The following SKAP1 variants were observed in gnomAD, a reference collection of about 807,000 sequenced individuals.
SKAP1 encodes the protein src kinase associated phosphoprotein 1.
A neutral mutation model predicts 58.5 loss-of-function variants in SKAP1; 44 were observed. That is an observed-to-expected ratio of 0.75 (90% CI 0.59 to 0.97). The LOEUF (loss-of-function observed/expected upper bound fraction) is 0.97. Among genes scored for constraint, SKAP1 ranks in the 50% least tolerant of loss-of-function variants. The pLI, the probability that SKAP1 is intolerant of heterozygous loss-of-function variation, is 0.00. For synonymous variants in SKAP1, 127 were observed against 149.7 expected, an observed-to-expected ratio of 0.85 and a Z score of 1.11; for missense variants, 390 against 435.2, an observed-to-expected ratio of 0.90 and a Z score of 0.92.
At chr17:48,161,930 T>C (rs1315565124) in intron 11 of SKAP1, among the ~76,000 whole-genome samples, 1 of 152,124 alleles carries the variant, frequency 6.6e-6, no homozygotes, top group East Asian at 1.9e-4. Flanking sequence ...ATAATACCAA[T>C]TTTATTGCAT....
intron 3 of SKAP1, among the ~76,000 whole-genome samples, chr17:48,363,579 C>T (rs2066963085): frequency 6.6e-6 from 1 of 152,286 alleles, no homozygotes; most frequent in Non-Finnish European, 1.5e-5. Context: ...TAGCAACAGT[C>T]CACTCAGAAG....
At chr17:48,317,075 T>C (rs2066298547) in intron 4 of SKAP1, among the ~76,000 whole-genome samples, 2 of 152,160 alleles carry the variant, frequency 1.3e-5, no homozygotes, top group Non-Finnish European at 1.5e-5. Flanking sequence ...CAGATGCTCA[T>C]GCAGGAGCGA....
chr17:48,350,774 C>T (rs1483804494), intron 3 of SKAP1, among the ~76,000 whole-genome samples: 4 of 152,064 alleles, frequency 2.6e-5, no homozygotes, highest in African/African-American at 9.7e-5. Context: ...CACCAAGTAT[C>T]TCTGGATTAT....
intron 4 of SKAP1, among the ~76,000 whole-genome samples, chr17:48,275,773 TATC>T: frequency 1.3e-5 from 2 of 152,306 alleles, no homozygotes; most frequent in Middle Eastern, 3.4e-3. Flanking sequence ...CTGCTATGAG[TATC>T]ATCACCAGAT....
the SKAP1 span, among the ~76,000 whole-genome samples, chr17:48,444,816 A>T: frequency 1.3e-5 from 2 of 152,156 alleles, no homozygotes; most frequent in South Asian, 4.1e-4. Context: ...TGAAGGTTGG[A>T]GGGAAAGGTG....
At chr17:48,162,591 C>A (rs2143288840) in intron 10 of SKAP1, 22 bp from the exon 11 acceptor site, 1 of 1,584,892 alleles carries the variant, frequency 6.3e-7, no homozygotes, top group South Asian at 1.1e-5. Context: ...GAGGAGAAAT[C>A]AAAGTTAAAA....
At chr17:48,211,165 G>T (rs559003528) in intron 4 of SKAP1, among the ~76,000 whole-genome samples, 2 of 152,274 alleles carry the variant, frequency 1.3e-5, no homozygotes, top group South Asian at 4.1e-4. Flanking sequence ...ATCTGGGCTG[G>T]GTGCAGTGGC....
intron 4 of SKAP1, among the ~76,000 whole-genome samples, chr17:48,216,915 T>G (rs989651121): frequency 2.0e-5 from 3 of 152,218 alleles, no homozygotes; most frequent in Admixed American, 2.0e-4. Context: ...CTAAGAAATT[T>G]AAATGTTGAA....
Position 48,209,389 on chromosome 17 carries a change from A to G in SKAP1, c.281-19889T>C, listed in dbSNP as rs114151492. ...GAAGGATAGGATAAAAGTAATAAGA[A>G]ACAAAATAGTTGAGAAGAAAAGCCA... On this transcript the variant is annotated intron_variant, in intron 4 of 12. Coordinates refer to ENST00000336915, the MANE Select transcript of SKAP1 (RefSeq NM_003726.4). Among the ~76,000 whole-genome samples, 496 of 152,318 alleles carry G rather than the reference A, an allele frequency of 3.3e-3. 3 individuals are homozygous for G. Among genetic ancestry groups the G allele is most frequent in the African/African-American group, 0.011 (467 of 41,562 alleles).
chr17:48,216,325 T>C (rs146167640), intron 4 of SKAP1, among the ~76,000 whole-genome samples: 1 of 152,276 alleles, frequency 6.6e-6, no homozygotes, highest in East Asian at 1.9e-4. Context: ...ATAGAGAGCT[T>C]ACAACTGAGA....
At chr17:48,254,819 A>G (rs2065405011) in intron 4 of SKAP1, among the ~76,000 whole-genome samples, 1 of 151,970 alleles carries the variant, frequency 6.6e-6, no homozygotes, top group Admixed American at 6.6e-5. Context: ...AATTCCAAGC[A>G]ATAAGGATGT....
chr17:48,410,638 C>A (rs541945098), intron 1 of SKAP1, among the ~76,000 whole-genome samples: 1 of 151,696 alleles, frequency 6.6e-6, no homozygotes, highest in African/African-American at 2.4e-5. Flanking sequence ...TCAAAAGGGG[C>A]GCAGGAGGTC....
chr17:48,363,007 T>C (rs2144396556), intron 3 of SKAP1, among the ~76,000 whole-genome samples: 1 of 152,274 alleles, frequency 6.6e-6, no homozygotes, highest in South Asian at 2.1e-4. Flanking sequence ...AATATTCAGG[T>C]TGATGTTTCT....
At chr17:48,343,060 C>T (rs1183693786) in intron 4 of SKAP1, among the ~76,000 whole-genome samples, 2 of 152,054 alleles carry the variant, frequency 1.3e-5, no homozygotes, top group Non-Finnish European at 2.9e-5. Context: ...TATAAAGACA[C>T]TAACTTTATA....
intron 1 of SKAP1, among the ~76,000 whole-genome samples, chr17:48,402,237 T>TGGAGAAACCCCATCTCTACTAAAAA (rs2067507124): frequency 6.6e-6 from 1 of 152,062 alleles, no homozygotes; most frequent in Non-Finnish European, 1.5e-5. Context: ...AAACAGAGAA[T>TGGAGAAACCCCATCTCTACTAAAAA]TATCATAGGA....
intron 1 of SKAP1, among the ~76,000 whole-genome samples, chr17:48,401,801 TGCTTCAAAGAAGGCCAACAAGAAA>T (rs1276222629): frequency 6.6e-6 from 1 of 151,788 alleles, no homozygotes; most frequent in East Asian, 1.9e-4. Flanking sequence ...AAAGCTATTG[TGCTTCAAAGAAGGCCAACAAGAAA>T]GCAAAAGGAT....
intron 1 of SKAP1, among the ~76,000 whole-genome samples, chr17:48,423,527 GTA>G (rs2067819729): frequency 6.6e-6 from 1 of 152,154 alleles, no homozygotes; most frequent in Admixed American, 6.5e-5. Context: ...GTCCAGTACA[GTA>G]GCCACTGTGG....
intron 4 of SKAP1, among the ~76,000 whole-genome samples, chr17:48,217,658 T>C (rs2064956509): frequency 6.6e-6 from 1 of 151,636 alleles, no homozygotes; most frequent in South Asian, 2.1e-4. Context: ...AATAAATAAA[T>C]AAGAAAAGGT....
chr17:48,391,002 G>A (rs759478607), intron 2 of SKAP1, among the ~76,000 whole-genome samples: 16 of 152,170 alleles, frequency 1.1e-4, no homozygotes, highest in African/African-American at 1.7e-4. Flanking sequence ...TTGAATTTGC[G>A]GAGGTTGCAG....
Sources: allele counts gnomAD v4.1 joint callset (sites outside exome capture counted in the v4.1 genomes callset), GRCh38; gene constraint gnomAD v4.1.1; transcripts MANE v1.5; gene names NCBI Gene and HGNC (gene_info 2026-07-23, HGNC 2026-07-21).